IMMP2L: variants seen among roughly 807,000 people sequenced by gnomAD.
IMMP2L encodes inner mitochondrial membrane peptidase subunit 2.
Under a neutral mutation model 19.3 loss-of-function variants are expected in IMMP2L, and 18 were observed. The observed-to-expected ratio is 0.93, with a 90% CI of 0.64 to 1.38. The LOEUF (loss-of-function observed/expected upper bound fraction) is 1.38, where lower values mean the gene tolerates loss of function less well. Ranked by LOEUF, IMMP2L falls within the 40% of genes most tolerant of loss-of-function variation. The probability of loss-of-function intolerance (pLI) is 0.00; values close to 1 mark genes in which losing one functional copy is unlikely to be tolerated. For synonymous variants in IMMP2L, 76 were observed against 73.0 expected, an observed-to-expected ratio of 1.04 and a Z score of -0.21; for missense variants, 233 against 218.2, an observed-to-expected ratio of 1.07 and a Z score of -0.43.
chr7:111,218,295 A>G (rs1812169309), intron 3 of IMMP2L, among the ~76,000 whole-genome samples: 1 of 152,074 alleles, frequency 6.6e-6, no homozygotes, highest in Non-Finnish European at 1.5e-5. Flanking sequence ...TTCCTTTTAA[A>G]CTTTTCAATT....
intron 3 of IMMP2L, among the ~76,000 whole-genome samples, chr7:111,063,137 G>A (rs891043872): frequency 6.6e-6 from 1 of 152,224 alleles, no homozygotes; most frequent in Non-Finnish European, 1.5e-5. Context: ...TGGATATCCA[G>A]GCATTTCCAT....
At chr7:110,915,795 CAA>C (rs147378748) in intron 4 of IMMP2L, among the ~76,000 whole-genome samples, 1 of 151,728 alleles carries the variant, frequency 6.6e-6, no homozygotes, top group African/African-American at 2.4e-5. Flanking sequence ...CATTATACTG[CAA>C]AAAAGAGAAA....
intron 3 of IMMP2L, among the ~76,000 whole-genome samples, chr7:111,345,570 T>A (rs918251732): frequency 6.6e-6 from 1 of 152,192 alleles, no homozygotes; most frequent in African/African-American, 2.4e-5. Flanking sequence ...ACAGAAACTG[T>A]GATCTGTAAA....
intron 3 of IMMP2L, among the ~76,000 whole-genome samples, chr7:111,103,222 C>A (rs1423910565): frequency 6.6e-6 from 1 of 151,544 alleles, no homozygotes; most frequent in Non-Finnish European, 1.5e-5. Flanking sequence ...CCTGTATTAG[C>A]ATTTCTGCAG....
intron 3 of IMMP2L, among the ~76,000 whole-genome samples, chr7:111,089,588 T>A (rs1207368844): frequency 6.6e-6 from 1 of 152,106 alleles, no homozygotes; most frequent in African/African-American, 2.4e-5. Flanking sequence ...TATGTAAATA[T>A]ACTCTAACAC....
At chr7:111,477,049 A>C (rs1841786779) in intron 3 of IMMP2L, among the ~76,000 whole-genome samples, 1 of 152,202 alleles carries the variant, frequency 6.6e-6, no homozygotes, top group South Asian at 2.1e-4. Context: ...TTGGAAACCA[A>C]AGTTCTAATT....
rs1218134034 is a variant in IMMP2L at position 111,486,084 on chromosome 7, A to G, written c.239+1154T>C. On this transcript the variant is annotated intron_variant, in intron 3 of 5. Transcript: ENST00000405709. ...AAATAGTACTCGGAATGACAAAATA[A>G]AAGTACACTTCAAAGAGCAGGTTAA... Among the ~76,000 whole-genome samples, 13 of 152,188 alleles carry G rather than the reference A, an allele frequency of 8.5e-5. No homozygotes were observed. The East Asian group carries it at 2.5e-3, about 29-fold the overall frequency.
At chr7:111,053,220 G>A (rs937954633) in intron 3 of IMMP2L, among the ~76,000 whole-genome samples, 1 of 152,186 alleles carries the variant, frequency 6.6e-6, no homozygotes, top group Non-Finnish European at 1.5e-5. Context: ...CTTTTGACTT[G>A]GGGTTTATAT....
intron 2 of IMMP2L, among the ~76,000 whole-genome samples, chr7:111,507,191 G>T (rs752416694): frequency 6.6e-6 from 1 of 152,102 alleles, no homozygotes; most frequent in Non-Finnish European, 1.5e-5. Flanking sequence ...TCTACCCGAG[G>T]CTATTTCTTA....
At chr7:111,357,379 T>C (rs1484531128) in intron 3 of IMMP2L, among the ~76,000 whole-genome samples, 1 of 152,168 alleles carries the variant, frequency 6.6e-6, no homozygotes, top group African/African-American at 2.4e-5. Context: ...TGAGGTATAC[T>C]TTCCTGGTAA....
At chr7:111,316,163 A>G (rs1360049235) in intron 3 of IMMP2L, among the ~76,000 whole-genome samples, 2 of 152,134 alleles carry the variant, frequency 1.3e-5, no homozygotes, top group Non-Finnish European at 2.9e-5. Context: ...ACCATCAAAA[A>G]CACAGTCTAT....
intron 5 of IMMP2L, among the ~76,000 whole-genome samples, chr7:110,703,159 T>C (rs1794402462): frequency 2.0e-5 from 3 of 152,226 alleles, no homozygotes; most frequent in African/African-American, 7.2e-5. Context: ...AGATATTGAG[T>C]TTTTTCAAAT....
At chr7:111,498,301 T>C (rs990967141) in intron 2 of IMMP2L, among the ~76,000 whole-genome samples, 5 of 152,114 alleles carry the variant, frequency 3.3e-5, no homozygotes, top group African/African-American at 1.2e-4. Flanking sequence ...TAATTAACCA[T>C]ATCAGAAATA....
chr7:110,972,783 G>A (rs922223709), intron 3 of IMMP2L, among the ~76,000 whole-genome samples: 3 of 152,070 alleles, frequency 2.0e-5, no homozygotes, highest in African/African-American at 7.2e-5. Flanking sequence ...AAGAGAGAGT[G>A]CTGCCTATGG....
At chr7:111,540,635 A>G (rs1457513337) in intron 1 of IMMP2L, among the ~76,000 whole-genome samples, 1 of 152,102 alleles carries the variant, frequency 6.6e-6, no homozygotes, top group African/African-American at 2.4e-5. Context: ...AGTGTTAGTT[A>G]CCGTTTTATA....
intron 3 of IMMP2L, among the ~76,000 whole-genome samples, chr7:111,350,294 G>C (rs552452022): frequency 9.2e-5 from 14 of 151,354 alleles, no homozygotes; most frequent in Admixed American, 2.0e-4. Flanking sequence ...AAGGAATCCT[G>C]ATGTTAACTA....
At chr7:111,540,877 C>T (rs2132959051) in intron 1 of IMMP2L, among the ~76,000 whole-genome samples, 1 of 152,244 alleles carries the variant, frequency 6.6e-6, no homozygotes, top group Non-Finnish European at 1.5e-5. Flanking sequence ...AAATGCCAGT[C>T]AGGAGAGTAA....
intron 5 of IMMP2L, among the ~76,000 whole-genome samples, chr7:110,836,941 A>C (rs1339452421): frequency 3.3e-5 from 5 of 152,182 alleles, no homozygotes; most frequent in African/African-American, 1.2e-4. Flanking sequence ...ACCTTTCTGA[A>C]AAGTAATATG....
intron 5 of IMMP2L, among the ~76,000 whole-genome samples, chr7:110,821,024 TTA>T (rs1802979781): frequency 6.6e-6 from 1 of 152,062 alleles, no homozygotes; most frequent in Admixed American, 6.6e-5. Context: ...GAGACCTAAA[TTA>T]TGCATCAGCC....
Sources: allele counts gnomAD v4.1 joint callset (sites outside exome capture counted in the v4.1 genomes callset), GRCh38; gene constraint gnomAD v4.1.1; transcripts MANE v1.5; gene names NCBI Gene and HGNC (gene_info 2026-07-23, HGNC 2026-07-21).